Variants in AP4M1 observed in about 807,000 individuals in gnomAD.
The protein encoded by AP4M1 is AP-4 complex subunit mu-1.
AP4M1 carries 58 observed loss-of-function variants against 62.4 expected under a neutral mutation model. The ratio of observed to expected loss-of-function variants is 0.93; its 90% confidence interval spans 0.75 to 1.16. The LOEUF (loss-of-function observed/expected upper bound fraction) is 1.16. Among genes scored for constraint, AP4M1 ranks in the 50% most tolerant of loss-of-function variants. AP4M1 has a pLI of 0.00. For synonymous variants in AP4M1, 290 were observed against 239.7 expected, an observed-to-expected ratio of 1.21 and a Z score of -1.94; for missense variants, 626 against 585.4, an observed-to-expected ratio of 1.07 and a Z score of -0.72.
chr7:100,101,383 C>A, upstream of AP4M1: 1 of 1,571,934 alleles, frequency 6.4e-7, no homozygotes, highest in Non-Finnish European at 8.7e-7. Context: ...GGACTGTGGC[C>A]GGCCAACCGA....
chr7:100,101,486 A>G (rs1796027590), upstream of AP4M1: 1 of 807,196 alleles, frequency 1.2e-6, no homozygotes, highest in Non-Finnish European at 2.0e-6. Context: ...GCTAGCCGCA[A>G]GCCAATCACC....
upstream of AP4M1, chr7:100,101,211 T>C (rs1440028290): frequency 5.0e-6 from 8 of 1,608,462 alleles, no homozygotes; most frequent in African/African-American, 1.1e-4. Context: ...CCAACAGGTG[T>C]TCCCCGGGAG....
chr7:100,101,179 TCCC>T, upstream of AP4M1: 2 of 1,552,556 alleles, frequency 1.3e-6, no homozygotes, highest in Admixed American at 3.4e-5. Context: ...CCGACCCCGG[TCCC>T]CCAAGACCCC....
Position 100,105,300 on chromosome 7 carries a change from A to T in AP4M1, c.788A>T (p.Glu263Val). ...TTTCACAGCTCTGTGAATCTGGACG[A>T]ATTTGAGTCTCATCGAATCCTCCGC... is the stretch of plus-strand genomic sequence containing the variant. Reference protein sequence around the residue: ...VSFHSSVNLDEFESHRILRLQ... With the variant: ...VSFHSSVNLDVFESHRILRLQ... The change falls in exon 10 of 15, where the codon GAA (glutamate) becomes GTA (valine). Residue 263 changes from glutamate (E) to valine (V), a missense_variant. Coordinates refer to ENST00000359593, the MANE Select transcript of AP4M1 (RefSeq NM_004722.4). 6.2e-7 allele frequency: 1 copy of T among 1,614,102 alleles called. No individual in the cohort carries two copies. The highest frequency in any genetic ancestry group is 8.5e-7 in the Non-Finnish European group (1 of 1,180,024).
intron 12 of AP4M1, 50 bp from the exon 13 acceptor site, chr7:100,106,191 C>T: frequency 6.2e-7 from 1 of 1,606,522 alleles, no homozygotes; most frequent in South Asian, 1.1e-5. Context: ...AGGAACAGGA[C>T]AAGGGACTGT....
Position 100,108,396 on chromosome 7 carries a change from C to T in AP4M1, c.*1514C>T. The stretch of plus-strand genomic sequence containing the variant: ...GTGATGGTCAGAGTGGTCCTGTTGA[C>T]CTGCTGAGCCTGCAGAGCAGCCTGG... On this transcript the variant is annotated 3_prime_UTR_variant, in exon 15 of 15. Transcript: ENST00000359593. 1 of 1,611,980 alleles carries T rather than the reference C, an allele frequency of 6.2e-7. No homozygotes were observed. Among genetic ancestry groups the T allele is most frequent in the East Asian group, 2.2e-5 (1 of 44,822 alleles).
rs774785582 is a variant in AP4M1, at chr7:100,103,427, AC to A, written c.372del (p.Thr125HisfsTer6). ...DEVLDYGYVQ[T>X]TSTEMLRNFI... ...CCACTAGGACTATGGCTATGTACAGACCACATCCACGGAGATGCTGAGGAAT... is the reference window on the plus strand; with the variant it reads ...CCACTAGGACTATGGCTATGTACAGACACATCCACGGAGATGCTGAGGAAT... On this transcript the variant is annotated frameshift_variant, in exon 5 of 15. Transcript: ENST00000359593. LOFTEE classifies it high-confidence loss of function. 6.2e-7 allele frequency: 1 copy of A among 1,614,054 alleles called. No individual in the cohort carries two copies. The highest frequency in any genetic ancestry group is 8.5e-7 in the Non-Finnish European group (1 of 1,179,972).
chr7:100,102,776 C>T lies in AP4M1; in HGVS notation c.249C>T (p.Leu83=), dbSNP rs1168038618. Residue 83 remains leucine, a synonymous_variant, in exon 3 of 15, where the codon CTC becomes CTT. Coordinates refer to ENST00000359593, the MANE Select transcript of AP4M1 (RefSeq NM_004722.4). The part of the protein sequence containing the change: ...NVSPFSLLEL[L]SRLATLLGDY... ...CTCCCTTCAGCCTCCTAGAACTGCT[C>T]TCCAGGTGAGGAGGGTTGGGCTGGG... is the stretch of plus-strand genomic sequence containing the variant. The T allele has an allele frequency of 1.2e-6, 2 of 1,613,840 alleles. No homozygotes were observed. The highest frequency in any genetic ancestry group is 1.7e-6 in the Non-Finnish European group (2 of 1,179,748).
Position 100,105,433 on chromosome 7 carries a change from C to T in AP4M1, c.835-12C>T. On this transcript the variant is annotated splice_polypyrimidine_tract_variant and intron_variant, in intron 10 of 14. Transcript: ENST00000359593. ...GAGACCAAACTAACCTTGTTGCTCT[C>T]TGGTCTCTCAGCTGACTGTGATGCG... 1.2e-6 allele frequency: 2 copies of T among 1,613,720 alleles called. No homozygotes were observed. Among genetic ancestry groups the T allele is most frequent in the Non-Finnish European group, 1.7e-6 (2 of 1,179,638 alleles).
intron 4 of AP4M1, 23 bp downstream of exon 4, chr7:100,102,983 T>C (rs1217804809): frequency 5.6e-6 from 9 of 1,601,782 alleles, no homozygotes; most frequent in Non-Finnish European, 7.7e-6. Flanking sequence ...AATCCCCTTC[T>C]GTGGCCCCTA....
rs548934307 is a variant in AP4M1 at position 100,108,204 on chromosome 7, G to A, written c.*1322G>A. On this transcript the variant is annotated 3_prime_UTR_variant, in exon 15 of 15. Coordinates refer to ENST00000359593, the MANE Select transcript of AP4M1 (RefSeq NM_004722.4). ...GAAGGGAGAGGCCTGGGCTCCCCTC[G>A]CTCTTCCTCAGTGGCTCTCACTAGG... 6.4e-5 allele frequency: 95 copies of A among 1,474,238 alleles called. No homozygotes were observed. The East Asian group carries it at 1.8e-3, about 28-fold the overall frequency. The allele number at this position is 1,474,238 out of a possible 1,614,324, so 91.3% of individuals were successfully genotyped here. A position where few individuals can be genotyped will look rare whatever the true frequency, so the allele number is the denominator to read the frequency against.
chr7:100,106,050 G>C (rs568470107), intron 12 of AP4M1, 47 bp downstream of exon 12: 2 of 1,608,164 alleles, frequency 1.2e-6, no homozygotes, highest in Non-Finnish European at 1.7e-6. Flanking sequence ...TGGGACGGAA[G>C]ACAGGGCCAG....
chr7:100,108,189 G>A lies in AP4M1; in HGVS notation c.*1307G>A, dbSNP rs1292222576. On this transcript the variant is annotated 3_prime_UTR_variant, in exon 15 of 15. Transcript: ENST00000359593. ...TAAGAAGAGGAGTCTGAAGGGAGAG[G>A]CCTGGGCTCCCCTCGCTCTTCCTCA... is the stretch of plus-strand genomic sequence containing the variant. 5 of 1,504,042 alleles carry A rather than the reference G, an allele frequency of 3.3e-6. No homozygotes were observed. Among genetic ancestry groups the A allele is most frequent in the Non-Finnish European group, 4.5e-6 (5 of 1,121,156 alleles). 93.2% of individuals were successfully genotyped at this position (1,504,042 alleles called of 1,614,324 possible).
At chr7:100,100,821 G>A (rs1795965659), upstream of AP4M1, 15 of 1,000,584 alleles carry the variant, frequency 1.5e-5, no homozygotes, top group Non-Finnish European at 1.7e-5. Context: ...GGCCTCAAAC[G>A]GCCAATCCCG....
rs762176079 is a variant in AP4M1 at position 100,106,536 on chromosome 7, C to T, written c.1137+22C>T. ...CCAGGTATTCGCTGTGGACCCCCAG[C>T]CCCTCTCCTCCCACATTCACTTGCA... On this transcript the variant is annotated intron_variant, in intron 14 of 14. Coordinates refer to ENST00000359593, the MANE Select transcript of AP4M1 (RefSeq NM_004722.4). The T allele has an allele frequency of 1.9e-6, 3 of 1,605,112 alleles. No individual in the cohort carries two copies. The South Asian group carries it at 3.3e-5, about 18-fold the overall frequency.
At chr7:100,106,074 T>C in intron 12 of AP4M1, 71 bp downstream of exon 12, 1 of 1,587,844 alleles carries the variant, frequency 6.3e-7, no homozygotes, top group Admixed American at 1.7e-5. Context: ...ACCTGCTGCT[T>C]CTCCCTTCAG....
At position 100,108,185 on chromosome 7, in the gene AP4M1, A is replaced by G. The variant is rs1796761721; in HGVS notation, c.*1303A>G. The G allele has an allele frequency of 6.6e-7, 1 of 1,520,888 alleles. No homozygotes were observed. Among genetic ancestry groups the G allele is most frequent in the Non-Finnish European group, 8.8e-7 (1 of 1,132,868 alleles). 94.2% of individuals were successfully genotyped at this position (1,520,888 alleles called of 1,614,324 possible). A position where few individuals can be genotyped will look rare whatever the true frequency, so the allele number is the denominator to read the frequency against. ...CTACTAAGAAGAGGAGTCTGAAGGG[A>G]GAGGCCTGGGCTCCCCTCGCTCTTC... On this transcript the variant is annotated 3_prime_UTR_variant, in exon 15 of 15. Coordinates refer to ENST00000359593, the MANE Select transcript of AP4M1 (RefSeq NM_004722.4).
Position 100,108,119 on chromosome 7 carries a change from C to T in AP4M1, c.*1237C>T, listed in dbSNP as rs975869457. ...GGCCTGCGAGAGGGTCAGCGTGGGC[C>T]GGGGCTGCGGGGAGAAGAGGAAAGG... On this transcript the variant is annotated 3_prime_UTR_variant, in exon 15 of 15. Transcript: ENST00000359593. 1.3e-6 allele frequency: 2 copies of T among 1,594,884 alleles called. No individual in the cohort carries two copies. Among genetic ancestry groups the T allele is most frequent in the Admixed American group, 1.8e-5 (1 of 55,648 alleles).
upstream of AP4M1, chr7:100,101,288 G>A: frequency 6.2e-7 from 1 of 1,613,286 alleles, no homozygotes; most frequent in Non-Finnish European, 8.5e-7. Context: ...TAGTCCTTCA[G>A]TGCCATCGCT....
Sources: gnomAD v4.1 joint callset for allele counts on GRCh38, gnomAD v4.1.1 for gene constraint, MANE v1.5 for transcripts, NCBI Gene and HGNC (gene_info 2026-07-23, HGNC 2026-07-21) for gene names.